Variants in PIGN observed in about 807,000 individuals in gnomAD.
PIGN encodes the protein phosphatidylinositol glycan anchor biosynthesis class N, also known as GPI ethanolamine phosphate transferase 1.
A neutral mutation model predicts 125.4 loss-of-function variants in PIGN; 117 were observed. That is an observed-to-expected ratio of 0.93 (90% CI 0.80 to 1.09). PIGN has a LOEUF of 1.09. Ranked by LOEUF, PIGN falls within the 50% of genes least tolerant of loss-of-function variation. PIGN has a pLI of 0.00. For synonymous variants in PIGN, 392 were observed against 377.8 expected, an observed-to-expected ratio of 1.04 and a Z score of -0.44; for missense variants, 1,075 against 1,094.9, an observed-to-expected ratio of 0.98 and a Z score of 0.26.
At chr18:62,038,216 C>A (rs2030285603), downstream of PIGN, among the ~76,000 whole-genome samples, 1 of 151,674 alleles carries the variant, frequency 6.6e-6, no homozygotes, top group Non-Finnish European at 1.5e-5. Context: ...AGATAAAAAC[C>A]AGGAACAAAA....
chr18:62,048,461 G>C (rs1215243111), intron 30 of PIGN, among the ~76,000 whole-genome samples: 2 of 151,966 alleles, frequency 1.3e-5, no homozygotes, highest in Non-Finnish European at 2.9e-5. Context: ...CTTACCTATA[G>C]GGGAAAAACA....
At chr18:62,052,289 G>A (rs2031365640) in intron 30 of PIGN, 2 of 151,456 alleles carry the variant, frequency 1.3e-5, no homozygotes, top group South Asian at 4.2e-4. Flanking sequence ...TCTGTCTAAT[G>A]TTGACAGTGG....
chr18:62,029,563 G>C (rs2030166192), intron 23 of PIGN, among the ~76,000 whole-genome samples: 1 of 152,214 alleles, frequency 6.6e-6, no homozygotes. Context: ...ATTTAATGAG[G>C]AAGGGAAGAG....
downstream of PIGN, among the ~76,000 whole-genome samples, chr18:62,036,279 G>T (rs1038730762): frequency 6.7e-6 from 1 of 149,456 alleles, no homozygotes; most frequent in African/African-American, 2.5e-5. Flanking sequence ...TTTTTTTAAA[G>T]ATTTTTTTAG....
chr18:62,167,631 C>CAA (rs775800855), intron 1 of PIGN, among the ~76,000 whole-genome samples: 4 of 79,060 alleles, frequency 5.1e-5, no homozygotes, highest in Admixed American at 1.6e-4. Flanking sequence ...AACTCCGTCT[C>CAA]AAAAAAAAAA....
chr18:62,170,885 G>T (rs1159575929), intron 1 of PIGN, among the ~76,000 whole-genome samples: 3 of 152,212 alleles, frequency 2.0e-5, no homozygotes, highest in South Asian at 2.1e-4. Context: ...CTGATATGAA[G>T]AAAATTTGAG....
rs146459560 is a variant in PIGN, at chr18:62,053,690, T to C, written c.2673-7711A>G. Among the ~76,000 whole-genome samples, 293 of 152,322 alleles carry C rather than the reference T, an allele frequency of 1.9e-3. 2 individuals carry two copies. Among genetic ancestry groups the C allele is most frequent in the African/African-American group, 6.7e-3 (279 of 41,572 alleles). On this transcript the variant is annotated intron_variant, in intron 30 of 30. Transcript: ENST00000640252. ...AGCAAAGATACCCTTTTCTCAAAAA[T>C]TGATAGAACAACAACACTGAAAATC...
chr18:62,070,353 A>G (rs2032772087), intron 30 of PIGN: 3 of 398,464 alleles, frequency 7.5e-6, no homozygotes, highest in African/African-American at 6.2e-5. Context: ...GACAAATGAA[A>G]ACCAAATCAA....
In PIGN at chr18:62,043,618, A is replaced by G. The variant is rs1296371462; in HGVS notation, c.*2238T>C. ...TAACATTATTTTCCTAAAAAATAAA[A>G]AAGCATTTTGTATTCTAAATACTGT... is the stretch of plus-strand genomic sequence containing the variant. On this transcript the variant is annotated 3_prime_UTR_variant, in exon 31 of 31. Transcript: ENST00000640252. The G allele has an allele frequency of 6.6e-6, 1 of 152,250 alleles. No homozygotes were observed. The highest frequency in any genetic ancestry group is 2.4e-5 in the African/African-American group (1 of 41,480). The allele number at this position is 152,250 out of a possible 1,614,324, so 9.4% of individuals were successfully genotyped here.
intron 16 of PIGN, chr18:62,112,897 C>G (rs1221097941): frequency 2.3e-6 from 1 of 441,852 alleles, no homozygotes; most frequent in African/African-American, 2.0e-5. Flanking sequence ...ACTTAAATTA[C>G]TTACACCTCT....
At chr18:62,050,359 A>G (rs905016818) in intron 30 of PIGN, among the ~76,000 whole-genome samples, 5 of 151,886 alleles carry the variant, frequency 3.3e-5, no homozygotes, top group Admixed American at 6.6e-5. Flanking sequence ...ATTTGTTTGT[A>G]TCCTCTTTTA....
chr18:62,139,102 G>A (rs372670737), intron 12 of PIGN, 27 bp from the exon 13 acceptor site: 6 of 1,406,518 alleles, frequency 4.3e-6, no homozygotes, highest in African/African-American at 2.8e-5. Context: ...CCAGCTTATT[G>A]ATAGTATTCA....
chr18:62,029,662 T>G (rs910388080), intron 23 of PIGN, among the ~76,000 whole-genome samples: 1 of 151,840 alleles, frequency 6.6e-6, no homozygotes, highest in African/African-American at 2.4e-5. Context: ...AGCAACGACA[T>G]AAGTGGGGAG....
At chr18:62,185,438 T>C (rs565124741) in intron 1 of PIGN, among the ~76,000 whole-genome samples, 8 of 152,108 alleles carry the variant, frequency 5.3e-5, no homozygotes, top group African/African-American at 1.9e-4. Context: ...CTAGCAAAAA[T>C]AAAATTTTAA....
chr18:62,024,254 G>C (rs73964833), intron 23 of PIGN, among the ~76,000 whole-genome samples: 4 of 152,156 alleles, frequency 2.6e-5, no homozygotes, highest in Admixed American at 6.5e-5. Context: ...AGGTGGCAGA[G>C]AAAGATTGAG....
At chr18:62,122,305 G>T (rs997257343) in intron 14 of PIGN, among the ~76,000 whole-genome samples, 1 of 152,048 alleles carries the variant, frequency 6.6e-6, no homozygotes, top group Non-Finnish European at 1.5e-5. Context: ...TGTATGTAAT[G>T]TATCAATTTT....
Position 62,107,030 on chromosome 18 carries a change from A to G in PIGN, c.1630T>C (p.Phe544Leu), listed in dbSNP as rs1226622529. 3 of 1,591,980 alleles carry G rather than the reference A, an allele frequency of 1.9e-6. No homozygotes were observed. The highest frequency in any genetic ancestry group is 1.7e-6 in the Non-Finnish European group (2 of 1,168,866). Residue 544 changes from phenylalanine (F) to leucine (L), a missense_variant, in exon 18 of 31, where the codon TTT (phenylalanine) becomes CTT (leucine). By Grantham distance (22) the Phe-to-Leu change is conservative. This residue lies in a region of PIGN where 915 missense variants were observed against 908.7 expected (regional missense o/e 1.01). Coordinates refer to ENST00000640252, the MANE Select transcript of PIGN (RefSeq NM_176787.5). ...VSVLTYPLSH[F>L]VGYLLAFTLG... The stretch of plus-strand genomic sequence containing the variant: ...GTAAAGGCTAACAGGTACCCAACAA[A>G]ATGGCTCAGAGGATAGGTCAACACT...
At chr18:62,038,287 G>T (rs1310844858), downstream of PIGN, among the ~76,000 whole-genome samples, 1 of 144,232 alleles carries the variant, frequency 6.9e-6, no homozygotes, top group Admixed American at 7.0e-5. Context: ...AGAGAGATCA[G>T]TGAATTCAAT....
intron 14 of PIGN, among the ~76,000 whole-genome samples, chr18:62,127,423 C>A (rs1027849964): frequency 2.0e-5 from 3 of 151,968 alleles, no homozygotes; most frequent in African/African-American, 7.3e-5. Flanking sequence ...AGTATGGTTT[C>A]TATTGAATGC....
Sources: gnomAD v4.1 joint callset for allele counts (sites outside exome capture counted in the v4.1 genomes callset) on GRCh38, gnomAD v4.1.1 for gene constraint, gnomAD v4.1.1 regional missense constraint, MANE v1.5 for transcripts, NCBI Gene and HGNC (gene_info 2026-07-23, HGNC 2026-07-21) for gene names.